The following FBXL20 variants were observed in gnomAD, a reference collection of about 807,000 sequenced individuals.
FBXL20 encodes the protein F-box/LRR-repeat protein 20.
Under a neutral mutation model 64.0 loss-of-function variants are expected in FBXL20, and 11 were observed. That is an observed-to-expected ratio of 0.17 (90% CI 0.11 to 0.28). The LOEUF is 0.28. FBXL20 is among the 10% of genes least tolerant of loss of function. The pLI, the probability that FBXL20 is intolerant of heterozygous loss-of-function variation, is 1.00. For synonymous variants in FBXL20, 184 were observed against 189.0 expected, an observed-to-expected ratio of 0.97 and a Z score of 0.22; for missense variants, 303 against 526.2, an observed-to-expected ratio of 0.58 and a Z score of 4.15.
chr17:39,295,657 A>G (rs1178308168), intron 6 of FBXL20, among the ~76,000 whole-genome samples: 1 of 152,110 alleles, frequency 6.6e-6, no homozygotes, highest in African/African-American at 2.4e-5. Flanking sequence ...ACGATAAAAC[A>G]TAATTCAGAG....
rs966247564 is a variant in FBXL20, at chr17:39,259,152, A to G, written c.*2308T>C. 1.6e-4 allele frequency: 24 copies of G among 152,274 alleles called. No individual in the cohort carries two copies. Among genetic ancestry groups the G allele is most frequent in the African/African-American group, 5.5e-4 (23 of 41,556 alleles). The allele number at this position is 152,274 out of a possible 1,614,324, so 9.4% of individuals were successfully genotyped here. On this transcript the variant is annotated 3_prime_UTR_variant, in exon 15 of 15. Transcript: ENST00000264658. The stretch of plus-strand genomic sequence containing the variant: ...TATTCTTATATATGCTGGTATAATC[A>G]GCAACTGCAGCATTAAAACAAACCT...
intron 6 of FBXL20, among the ~76,000 whole-genome samples, chr17:39,294,069 G>C (rs1254305243): frequency 6.6e-6 from 1 of 151,782 alleles, no homozygotes; most frequent in African/African-American, 2.4e-5. Flanking sequence ...TGGTCTTCTA[G>C]GTTTTGTTTA....
At chr17:39,386,984 C>G (rs1296822263) in intron 1 of FBXL20, among the ~76,000 whole-genome samples, 1 of 152,144 alleles carries the variant, frequency 6.6e-6, no homozygotes, top group Non-Finnish European at 1.5e-5. Context: ...TGTATGCTTG[C>G]TAGGTATGTA....
At chr17:39,349,738 C>T (rs940103214) in intron 1 of FBXL20, among the ~76,000 whole-genome samples, 5 of 152,072 alleles carry the variant, frequency 3.3e-5, no homozygotes. Context: ...AGATCGAGAC[C>T]ATCCTAGCTA....
chr17:39,339,298 A>AT (rs2047559329), intron 2 of FBXL20, among the ~76,000 whole-genome samples: 2 of 151,850 alleles, frequency 1.3e-5, no homozygotes, highest in Non-Finnish European at 2.9e-5. Context: ...GCAATACCCC[A>AT]TCTCTATGAA....
intron 2 of FBXL20, among the ~76,000 whole-genome samples, chr17:39,319,494 C>T (rs1448665020): frequency 1.3e-5 from 2 of 151,324 alleles, no homozygotes; most frequent in Non-Finnish European, 2.9e-5. Context: ...AGGCCAGCCT[C>T]GCCAACTTGG....
intron 9 of FBXL20, among the ~76,000 whole-genome samples, chr17:39,279,822 C>T (rs35685690): frequency 0.01 from 1,539 of 152,040 alleles, 30 homozygotes; most frequent in African/African-American, 0.036. Context: ...CACTTGAGCC[C>T]GGGAGGTGAA....
At chr17:39,315,862 A>AGAGG (rs2047285778) in intron 2 of FBXL20, among the ~76,000 whole-genome samples, 1 of 127,342 alleles carries the variant, frequency 7.9e-6, no homozygotes, top group African/African-American at 3.5e-5. Flanking sequence ...AGAGAGAGAG[A>AGAGG]GAGAGAGAGC....
intron 12 of FBXL20, among the ~76,000 whole-genome samples, chr17:39,265,990 T>TCCTG (rs1310423404): frequency 6.6e-6 from 1 of 151,330 alleles, no homozygotes; most frequent in East Asian, 1.9e-4. Flanking sequence ...CAAGCAATCC[T>TCCTG]CCTGCCTCGC....
At chr17:39,285,384 CAG>C (rs1278844152) in intron 7 of FBXL20, 92 bp downstream of exon 7, 3 of 739,222 alleles carry the variant, frequency 4.1e-6, no homozygotes, top group African/African-American at 1.8e-5. Context: ...ATCCATAAAA[CAG>C]AGTTGCCTTC....
intron 7 of FBXL20, among the ~76,000 whole-genome samples, chr17:39,283,562 A>G (rs2046965672): frequency 1.3e-5 from 2 of 152,078 alleles, no homozygotes; most frequent in African/African-American, 2.4e-5. Context: ...CAGTCCCTCA[A>G]GTAGCACCCA....
At chr17:39,361,707 G>A (rs1027445589) in intron 1 of FBXL20, among the ~76,000 whole-genome samples, 1 of 152,136 alleles carries the variant, frequency 6.6e-6, no homozygotes, top group African/African-American at 2.4e-5. Flanking sequence ...TGAGGCAGGA[G>A]AACTGCTTGA....
intron 2 of FBXL20, among the ~76,000 whole-genome samples, chr17:39,334,406 C>A (rs1289306870): frequency 1.3e-5 from 2 of 151,840 alleles, no homozygotes; most frequent in Non-Finnish European, 2.9e-5. Context: ...ACCTTCCCTC[C>A]ACTATTGTCC....
rs1005898941 is a variant in FBXL20, at chr17:39,254,349, A to C, written c.*7111T>G. ...GGCGTGAGCCACCACGCCTGGCTGCAAAGTTTTCTTCTTCCAATTTAACAA... is the reference window on the plus strand; with the variant it reads ...GGCGTGAGCCACCACGCCTGGCTGCCAAGTTTTCTTCTTCCAATTTAACAA... On this transcript the variant is annotated 3_prime_UTR_variant, in exon 15 of 15. Transcript: ENST00000264658. 1.3e-5 allele frequency: 2 copies of C among 152,332 alleles called. No individual in the cohort carries two copies. The highest frequency in any genetic ancestry group is 4.8e-5 in the African/African-American group (2 of 41,446). 9.4% of individuals were successfully genotyped at this position (152,332 alleles called of 1,614,324 possible).
Position 39,280,977 on chromosome 17 carries a change from TG to T in FBXL20, c.696+411del, listed in dbSNP as rs2046945223. Among the ~76,000 whole-genome samples the T allele has an allele frequency of 2.6e-5, 4 of 152,322 alleles. No homozygotes were observed. In the South Asian group the frequency reaches 8.3e-4, roughly 32 times the overall value. On this transcript the variant is annotated intron_variant, in intron 9 of 14. Transcript: ENST00000264658. ...CGGGGTTTTGTCATGTTGCCTAGGC[TG>T]GTCTCAAACTCCTGGACTCAAGCAG...
chr17:39,344,806 A>T (rs1460517638), intron 1 of FBXL20, among the ~76,000 whole-genome samples: 7 of 152,162 alleles, frequency 4.6e-5, no homozygotes, highest in Non-Finnish European at 1.0e-4. Flanking sequence ...AATAAAAATT[A>T]AAAAAGGAAA....
chr17:39,341,349 TAACACATATAAATC>T (rs1356980795), intron 2 of FBXL20, among the ~76,000 whole-genome samples: 2 of 152,178 alleles, frequency 1.3e-5, no homozygotes, highest in Non-Finnish European at 2.9e-5. Context: ...TATTCCAATA[TAACACATATAAATC>T]CAAATCAAGC....
intron 2 of FBXL20, among the ~76,000 whole-genome samples, chr17:39,305,807 GA>G (rs1224777996): frequency 6.6e-6 from 1 of 152,014 alleles, no homozygotes; most frequent in Non-Finnish European, 1.5e-5. Context: ...CAAACATGGT[GA>G]AACCCCGTTT....
chr17:39,295,033 C>T (rs907291997), intron 6 of FBXL20, among the ~76,000 whole-genome samples: 2 of 151,938 alleles, frequency 1.3e-5, no homozygotes, highest in Non-Finnish European at 2.9e-5. Flanking sequence ...TACTGAAATA[C>T]GGATTAAATA....
Sources: gnomAD v4.1 joint callset for allele counts (sites outside exome capture counted in the v4.1 genomes callset) on GRCh38, gnomAD v4.1.1 for gene constraint, MANE v1.5 for transcripts, NCBI Gene and HGNC (gene_info 2026-07-23, HGNC 2026-07-21) for gene names.